Variants in PARM1 observed in about 807,000 individuals in gnomAD.
The protein encoded by PARM1 is prostate androgen-regulated mucin-like protein 1.
PARM1 carries 14 observed loss-of-function variants against 24.6 expected under a neutral mutation model. The observed-to-expected ratio is 0.57, with a 90% CI of 0.38 to 0.89. PARM1 has a LOEUF of 0.89. Among genes scored for constraint, PARM1 ranks in the 40% least tolerant of loss-of-function variants. The pLI, the probability that PARM1 is intolerant of heterozygous loss-of-function variation, is 0.00. For missense variants in PARM1, 362 were observed against 380.4 expected, an observed-to-expected ratio of 0.95 and a Z score of 0.40; for synonymous variants, 179 against 156.6, an observed-to-expected ratio of 1.14 and a Z score of -1.07.
intron 1 of PARM1, among the ~76,000 whole-genome samples, chr4:74,958,259 C>A (rs978862124): frequency 2.6e-5 from 4 of 152,092 alleles, no homozygotes; most frequent in African/African-American, 9.7e-5. Flanking sequence ...TGACTCAGCA[C>A]GTTCCTTGAA....
At chr4:75,010,590 G>C (rs17000080) in intron 1 of PARM1, among the ~76,000 whole-genome samples, 1,534 of 152,128 alleles carry the variant, frequency 0.01, 31 homozygotes, top group African/African-American at 0.036. Flanking sequence ...ATTAGTTAAG[G>C]CTTGTCTGGG....
intron 1 of PARM1, among the ~76,000 whole-genome samples, chr4:74,960,807 G>A (rs1166104108): frequency 1.3e-5 from 2 of 151,530 alleles, no homozygotes; most frequent in Non-Finnish European, 2.9e-5. Flanking sequence ...AGGAGATTGA[G>A]ACCATCCTGG....
At chr4:75,022,649 A>T (rs181524057) in intron 2 of PARM1, among the ~76,000 whole-genome samples, 105 of 152,296 alleles carry the variant, frequency 6.9e-4, no homozygotes, top group Non-Finnish European at 4.6e-4. Context: ...GAAATGCTTC[A>T]CTGAGAAAGT....
intron 2 of PARM1, among the ~76,000 whole-genome samples, chr4:75,014,578 T>C (rs1722944399): frequency 6.6e-6 from 1 of 152,060 alleles, no homozygotes; most frequent in Admixed American, 6.5e-5. Flanking sequence ...AAGGTTAACC[T>C]CCCTGGAGTG....
At chr4:75,011,389 G>A (rs1348997245) in intron 1 of PARM1, among the ~76,000 whole-genome samples, 3 of 152,100 alleles carry the variant, frequency 2.0e-5, no homozygotes, top group African/African-American at 7.2e-5. Context: ...CATGAAGGGT[G>A]ACATCTTGGT....
rs1337290984 is a variant in PARM1, at chr4:75,046,398, GCTGCTACAA to G, written c.*154_*162del. 3.6e-6 allele frequency: 2 copies of G among 559,044 alleles called. No homozygotes were observed. The highest frequency in any genetic ancestry group is 6.4e-5 in the East Asian group (2 of 31,454). The allele number at this position is 559,044 out of a possible 1,614,324, so 34.6% of individuals were successfully genotyped here. On this transcript the variant is annotated 3_prime_UTR_variant, in exon 4 of 4. Transcript: ENST00000307428. ...TTTTTGTTTTCCTCCCTCTCCTCTG[GCTGCTACAA>G]CTTCCCCTTTCTGGTACAAGAAGAA...
chr4:75,017,992 C>T (rs1723020300), intron 2 of PARM1, among the ~76,000 whole-genome samples: 1 of 152,172 alleles, frequency 6.6e-6, no homozygotes, highest in South Asian at 2.1e-4. Flanking sequence ...ATGGTTGCTA[C>T]TTTACTATTG....
At chr4:74,942,042 G>A (rs1479553632) in intron 1 of PARM1, among the ~76,000 whole-genome samples, 1 of 152,200 alleles carries the variant, frequency 6.6e-6, no homozygotes, top group African/African-American at 2.4e-5. Flanking sequence ...TTCCTTCCTT[G>A]TAGGGTTATG....
rs571517944 is a variant in PARM1, at chr4:75,000,720, T to G, written c.44-11705T>G. Among the ~76,000 whole-genome samples, 10 of 152,396 alleles carry G rather than the reference T, an allele frequency of 6.6e-5. No homozygotes were observed. The East Asian group carries it at 1.9e-3, about 29-fold the overall frequency. On this transcript the variant is annotated intron_variant, in intron 1 of 3. Coordinates refer to ENST00000307428, the MANE Select transcript of PARM1 (RefSeq NM_015393.4). ...GAAGGCTACAAAAGAGCCTTTAGCT[T>G]GGAAATGGATTGGAAGTGGCTGTTG...
At chr4:74,974,219 A>T (rs1317110348) in intron 1 of PARM1, among the ~76,000 whole-genome samples, 7 of 152,216 alleles carry the variant, frequency 4.6e-5, no homozygotes, top group Non-Finnish European at 7.3e-5. Context: ...AAACTACTTT[A>T]CTGAGTCCAT....
intron 1 of PARM1, among the ~76,000 whole-genome samples, chr4:74,991,571 T>C (rs1231857867): frequency 1.3e-5 from 2 of 152,070 alleles, no homozygotes; most frequent in African/African-American, 4.8e-5. Flanking sequence ...CAAAGCTGAG[T>C]ACTGATGAGC....
intron 1 of PARM1, among the ~76,000 whole-genome samples, chr4:74,997,348 A>G (rs1486052640): frequency 6.6e-6 from 1 of 152,188 alleles, no homozygotes; most frequent in Non-Finnish European, 1.5e-5. Context: ...TCTCTGATGG[A>G]TCATTTAGAA....
At chr4:75,037,754 C>T (rs182782144) in intron 3 of PARM1, among the ~76,000 whole-genome samples, 44 of 152,222 alleles carry the variant, frequency 2.9e-4, no homozygotes, top group East Asian at 5.8e-4. Context: ...ACTATTTAGG[C>T]GGCCTTGGGC....
chr4:75,012,952 A>C lies in PARM1; in HGVS notation c.571A>C (p.Thr191Pro). 1 of 1,613,824 alleles carries C rather than the reference A, an allele frequency of 6.2e-7. No homozygotes were observed. Among genetic ancestry groups the C allele is most frequent in the Non-Finnish European group, 8.5e-7 (1 of 1,179,846 alleles). ...VTSTQPTGAPTAPESPTEESS... is the reference protein window; with the variant it reads ...VTSTQPTGAPPAPESPTEESS... Reference sequence around the variant, plus strand: ...CAGCACCCAACCCACTGGAGCTCCAACTGCACCAGAGTCCCCGACAGAGGA... The same window carrying C: ...CAGCACCCAACCCACTGGAGCTCCACCTGCACCAGAGTCCCCGACAGAGGA... The change falls in exon 2 of 4, where the codon ACT becomes CCT. Residue 191 changes from threonine (T) to proline (P), a missense_variant. By Grantham distance (38) the Thr-to-Pro change is conservative. Coordinates refer to ENST00000307428, the MANE Select transcript of PARM1 (RefSeq NM_015393.4).
At chr4:75,003,531 A>G (rs919177935) in intron 1 of PARM1, among the ~76,000 whole-genome samples, 1 of 152,058 alleles carries the variant, frequency 6.6e-6, no homozygotes, top group Non-Finnish European at 1.5e-5. Flanking sequence ...CTCTTTTTGG[A>G]TTGAATTATG....
Position 75,033,974 on chromosome 4 carries a change from T to G in PARM1, c.848+13T>G, listed in dbSNP as rs1391984380. On this transcript the variant is annotated intron_variant, in intron 3 of 3. Transcript: ENST00000307428. ...ACCTAAAAATCAGGTGAGACGCAGC[T>G]TACTCTTAAAAAAAAGGGATTCTGT... The G allele has an allele frequency of 6.3e-7, 1 of 1,581,020 alleles. No individual in the cohort carries two copies. Among genetic ancestry groups the G allele is most frequent in the African/African-American group, 1.3e-5 (1 of 74,264 alleles).
chr4:74,989,833 G>C (rs189898430), intron 1 of PARM1, among the ~76,000 whole-genome samples: 8 of 152,248 alleles, frequency 5.3e-5, no homozygotes, highest in African/African-American at 1.7e-4. Context: ...AAGTGTTTTA[G>C]GAGATGTATG....
intron 2 of PARM1, among the ~76,000 whole-genome samples, chr4:75,014,247 G>C (rs1722935069): frequency 6.6e-6 from 1 of 152,172 alleles, no homozygotes; most frequent in Non-Finnish European, 1.5e-5. Flanking sequence ...GATTAATGAA[G>C]ACGTGATTCC....
chr4:74,976,540 C>T (rs1180267257), intron 1 of PARM1, among the ~76,000 whole-genome samples: 2 of 152,224 alleles, frequency 1.3e-5, no homozygotes, highest in Non-Finnish European at 2.9e-5. Context: ...TCTGAAGAGG[C>T]TGGGCAGTCC....
Sources: gnomAD v4.1 joint callset for allele counts (sites outside exome capture counted in the v4.1 genomes callset) on GRCh38, gnomAD v4.1.1 for gene constraint, MANE v1.5 for transcripts, NCBI Gene and HGNC (gene_info 2026-07-23, HGNC 2026-07-21) for gene names.